The following TASP1 variants were observed in gnomAD, a reference collection of about 807,000 sequenced individuals.
The protein encoded by TASP1 is threonine aspartase 1.
A neutral mutation model predicts 56.6 loss-of-function variants in TASP1; 16 were observed. That is an observed-to-expected ratio of 0.28 (90% CI 0.19 to 0.43). The LOEUF is 0.43. TASP1 is among the 20% of genes least tolerant of loss of function. TASP1 has a pLI of 1.00. For synonymous variants in TASP1, 179 were observed against 184.2 expected, an observed-to-expected ratio of 0.97 and a Z score of 0.23; for missense variants, 393 against 511.6, an observed-to-expected ratio of 0.77 and a Z score of 2.24.
the TASP1 span, among the ~76,000 whole-genome samples, chr20:13,158,827 A>G: frequency 6.6e-6 from 1 of 152,238 alleles, no homozygotes. Context: ...AGACTGCTCA[A>G]CAGCAAAACA....
chr20:13,407,317 A>AATCATACACT (rs1173892105), intron 13 of TASP1, among the ~76,000 whole-genome samples: 2 of 152,192 alleles, frequency 1.3e-5, no homozygotes, highest in Non-Finnish European at 2.9e-5. Context: ...ATATAAACAA[A>AATCATACACT]ATCATACACT....
chr20:13,331,660 G>A, the TASP1 span, among the ~76,000 whole-genome samples: 5 of 145,632 alleles, frequency 3.4e-5, no homozygotes, highest in African/African-American at 5.2e-5. Context: ...GTGTTTTGGG[G>A]GTTTTTTTGT....
the TASP1 span, chr20:13,279,490 T>C: frequency 1.3e-6 from 1 of 791,774 alleles, no homozygotes; most frequent in Admixed American, 2.9e-5. Context: ...GGTTTTCCAT[T>C]GTGTATCGCC....
At chr20:13,220,511 C>CA in the TASP1 span, among the ~76,000 whole-genome samples, 1 of 152,212 alleles carries the variant, frequency 6.6e-6, no homozygotes, top group Non-Finnish European at 1.5e-5. Flanking sequence ...ATGAGCCCCC[C>CA]ACAGAGGCAA....
chr20:13,303,155 A>T, the TASP1 span, among the ~76,000 whole-genome samples: 1 of 152,242 alleles, frequency 6.6e-6, no homozygotes, highest in Non-Finnish European at 1.5e-5. Flanking sequence ...GGTAAATGAC[A>T]GAGCTCCTTG....
At chr20:13,343,676 C>G in the TASP1 span, among the ~76,000 whole-genome samples, 2 of 149,840 alleles carry the variant, frequency 1.3e-5, no homozygotes, top group Non-Finnish European at 3.0e-5. Context: ...TGATGTGGAG[C>G]TCCCCCTCGG....
chr20:13,376,954 T>C, the TASP1 span, among the ~76,000 whole-genome samples: 1 of 152,256 alleles, frequency 6.6e-6, no homozygotes, highest in Non-Finnish European at 1.5e-5. Flanking sequence ...AAGTTGCTTA[T>C]CAGCTTAAGG....
chr20:13,232,000 G>A, the TASP1 span, among the ~76,000 whole-genome samples: 1 of 152,196 alleles, frequency 6.6e-6, no homozygotes, highest in African/African-American at 2.4e-5. Context: ...GTCATAGCCT[G>A]CCCCAGTGTT....
the TASP1 span, among the ~76,000 whole-genome samples, chr20:13,367,334 A>G: frequency 6.6e-6 from 1 of 152,246 alleles, no homozygotes; most frequent in Admixed American, 6.5e-5. Context: ...CTTTGTAAGT[A>G]TAACATGCCT....
the TASP1 span, among the ~76,000 whole-genome samples, chr20:13,259,212 C>A: frequency 6.7e-6 from 1 of 150,292 alleles, no homozygotes; most frequent in African/African-American, 2.5e-5. Flanking sequence ...ACCCAGGAGG[C>A]GGAGGTTGCA....
chr20:13,486,023 T>A (rs28445300), intron 10 of TASP1, among the ~76,000 whole-genome samples: 1,713 of 152,310 alleles, frequency 0.011, 43 homozygotes, highest in African/African-American at 0.038. Context: ...TTGATCTTTT[T>A]ACCAAGAAAC....
At chr20:13,240,138 A>G in the TASP1 span, among the ~76,000 whole-genome samples, 1 of 152,234 alleles carries the variant, frequency 6.6e-6, no homozygotes, top group Non-Finnish European at 1.5e-5. Flanking sequence ...GCATTCTACA[A>G]TTCCATTCAT....
At chr20:13,471,428 C>T (rs1185328382) in intron 11 of TASP1, among the ~76,000 whole-genome samples, 1 of 152,182 alleles carries the variant, frequency 6.6e-6, no homozygotes, top group South Asian at 2.1e-4. Context: ...ATATGACATT[C>T]CTATAATTTC....
At chr20:13,305,199 TAAAAAAAA>T in the TASP1 span, among the ~76,000 whole-genome samples, 1 of 137,492 alleles carries the variant, frequency 7.3e-6, no homozygotes, top group African/African-American at 2.8e-5. Context: ...GTTGAGTTGT[TAAAAAAAA>T]AAAAAAAAAA....
chr20:13,130,052 GA>G, the TASP1 span, among the ~76,000 whole-genome samples: 1 of 152,172 alleles, frequency 6.6e-6, no homozygotes, highest in African/African-American at 2.4e-5. Context: ...AAGGAAAGTA[GA>G]AGAAAAAGAA....
chr20:13,199,463 A>C, the TASP1 span, among the ~76,000 whole-genome samples: 9 of 152,206 alleles, frequency 5.9e-5, no homozygotes, highest in East Asian at 1.2e-3. Flanking sequence ...TGAGTGAAAC[A>C]TGAGACCCAC....
chr20:13,592,418 T>C (rs1266092105), intron 4 of TASP1, among the ~76,000 whole-genome samples: 1 of 151,064 alleles, frequency 6.6e-6, no homozygotes, highest in African/African-American at 2.5e-5. Context: ...AAAAATTATA[T>C]TCAAATTGTC....
At chr20:13,401,380 C>A (rs944759744) in intron 13 of TASP1, among the ~76,000 whole-genome samples, 1 of 152,132 alleles carries the variant, frequency 6.6e-6, no homozygotes, top group African/African-American at 2.4e-5. Context: ...CAAAGTTCTA[C>A]CCTAAAGCTC....
chr20:13,588,653 ATTT>A (rs2047410627), intron 4 of TASP1, among the ~76,000 whole-genome samples: 1 of 152,196 alleles, frequency 6.6e-6, no homozygotes, highest in South Asian at 2.1e-4. Context: ...CATTGAAAAA[ATTT>A]TTAATTCAAT....
Sources: allele counts gnomAD v4.1 joint callset (sites outside exome capture counted in the v4.1 genomes callset), GRCh38; gene constraint gnomAD v4.1.1; transcripts MANE v1.5; gene names NCBI Gene and HGNC (gene_info 2026-07-23, HGNC 2026-07-21).